The following TRPC6 variants were observed in gnomAD, a reference collection of about 807,000 sequenced individuals.
TRPC6 encodes short transient receptor potential channel 6.
TRPC6 carries 55 observed loss-of-function variants against 90.7 expected under a neutral mutation model. That is an observed-to-expected ratio of 0.61 (90% confidence interval 0.49 to 0.76). TRPC6 has a LOEUF of 0.76. Ranked by LOEUF, TRPC6 falls within the 30% of genes least tolerant of loss-of-function variation. The pLI is 0.00. For synonymous variants in TRPC6, 393 were observed against 393.0 expected (o/e 1.00, Z 0.00); for missense variants, 989 against 1,122.7 (o/e 0.88, Z 1.70).
At chr11:101,561,098 A>C (rs1565245243) in intron 1 of TRPC6, among the ~76,000 whole-genome samples, 1 of 72,224 alleles carries the variant, frequency 1.4e-5, no homozygotes, top group Non-Finnish European at 2.6e-5. Flanking sequence ...CACAATGATC[A>C]GATTGAGTTT....
In TRPC6 at chr11:101,457,936, C is replaced by A. The variant is rs564634120; in HGVS notation, c.2485-2835G>T. On this transcript the variant is annotated intron_variant, in intron 10 of 12. Transcript: ENST00000344327. The stretch of plus-strand genomic sequence containing the variant: ...CATGGTTAACTTTAATCTACACATA[C>A]CCCTTTACTTATGATGGGGTTACGT... 2.7e-4 allele frequency among the ~76,000 whole-genome samples: 41 copies of A among 152,100 alleles called. 1 individual carries two copies. Among genetic ancestry groups the A allele is most frequent in the Non-Finnish European group, 1.9e-4 (13 of 68,014 alleles).
Position 101,548,478 on chromosome 11 carries a change from C to A in TRPC6, c.170+34856G>T, listed in dbSNP as rs892934264. On this transcript the variant is annotated intron_variant, in intron 1 of 12. Coordinates refer to ENST00000344327, the MANE Select transcript of TRPC6 (RefSeq NM_004621.6). ...TACTGATATATATATATATATATAT[C>A]TCTCTCTCTCTCTCTGTCTCTCACA... is the stretch of plus-strand genomic sequence containing the variant. Among the ~76,000 whole-genome samples, 91 of 45,836 alleles carry A rather than the reference C, an allele frequency of 2.0e-3. 1 individual carries two copies. The Middle Eastern group carries it at 0.029, about 15-fold the overall frequency. The allele number at this position is 45,836 out of a possible 152,430, so 30.1% of individuals were successfully genotyped here.
At chr11:101,464,383 A>AT (rs1483442433) in intron 10 of TRPC6, among the ~76,000 whole-genome samples, 2 of 152,052 alleles carry the variant, frequency 1.3e-5, no homozygotes, top group Non-Finnish European at 2.9e-5. Context: ...TAATATTGAG[A>AT]TTGGGATGTT....
chr11:101,525,232 A>C (rs1253931033), intron 1 of TRPC6, among the ~76,000 whole-genome samples: 1 of 152,232 alleles, frequency 6.6e-6, no homozygotes, highest in Non-Finnish European at 1.5e-5. Flanking sequence ...TTTGGAGTCA[A>C]ATGGACTTTG....
chr11:101,574,339 G>A (rs1862029970), intron 1 of TRPC6, among the ~76,000 whole-genome samples: 1 of 150,956 alleles, frequency 6.6e-6, no homozygotes, highest in Non-Finnish European at 1.5e-5. Context: ...ATCTAATTGA[G>A]TATAAAGAAC....
chr11:101,476,020 A>G (rs143391372), intron 6 of TRPC6, among the ~76,000 whole-genome samples: 27 of 152,282 alleles, frequency 1.8e-4, no homozygotes, highest in Admixed American at 2.6e-4. Flanking sequence ...AATCCAGGAC[A>G]TAAGACATGT....
At chr11:101,545,716 C>T (rs1212102953) in intron 1 of TRPC6, among the ~76,000 whole-genome samples, 1 of 152,066 alleles carries the variant, frequency 6.6e-6, no homozygotes, top group East Asian at 1.9e-4. Context: ...AGGAGTTGCC[C>T]CCTATTTCTT....
At position 101,472,171 on chromosome 11, in the gene TRPC6, A is replaced by G; in HGVS notation, c.2171T>C (p.Ile724Thr). 1.2e-6 allele frequency: 2 copies of G among 1,611,968 alleles called. No individual in the cohort carries two copies. Among genetic ancestry groups the G allele is most frequent in the African/African-American group, 1.3e-5 (1 of 74,978 alleles). ...TMVIVLLNML[I>T]AMINSSFQEI... ...CTGGAATGAACTGTTGATCATGGCAATTAACATATTTAGCAAAACAATGAC... is the reference window on the plus strand; with the variant it reads ...CTGGAATGAACTGTTGATCATGGCAGTTAACATATTTAGCAAAACAATGAC... The change falls in exon 8 of 13, where the codon ATT (isoleucine) becomes ACT (threonine). Residue 724 changes from isoleucine to threonine, a missense_variant. Around this residue, in one of 4 missense-constraint regions of TRPC6, gnomAD observed 118 missense variants for 197.6 expected, o/e 0.60. Coordinates refer to ENST00000344327, the MANE Select transcript of TRPC6 (RefSeq NM_004621.6).
intron 1 of TRPC6, among the ~76,000 whole-genome samples, chr11:101,527,295 A>G (rs1447002173): frequency 6.6e-6 from 1 of 152,122 alleles, no homozygotes; most frequent in African/African-American, 2.4e-5. Flanking sequence ...GTTTTCACTA[A>G]TTACTCTGAA....
chr11:101,519,429 T>TTTTAACTAAGTGGAAAA (rs1184798872), intron 1 of TRPC6, among the ~76,000 whole-genome samples: 2 of 152,142 alleles, frequency 1.3e-5, no homozygotes, highest in African/African-American at 4.8e-5. Flanking sequence ...TATTTCTCTG[T>TTTTAACTAAGTGGAAAA]TTTAACTAAG....
chr11:101,503,408 G>A (rs1315018138), intron 2 of TRPC6, among the ~76,000 whole-genome samples: 2 of 152,136 alleles, frequency 1.3e-5, no homozygotes, highest in Admixed American at 6.6e-5. Context: ...ATATACAGCT[G>A]AAATGCCATC....
intron 5 of TRPC6, among the ~76,000 whole-genome samples, chr11:101,482,030 GA>G (rs1316236592): frequency 6.6e-6 from 1 of 152,164 alleles, no homozygotes; most frequent in African/African-American, 2.4e-5. Flanking sequence ...CCACATTGAA[GA>G]TACTGCCCAG....
At chr11:101,481,532 C>T (rs1424655002) in intron 5 of TRPC6, among the ~76,000 whole-genome samples, 2 of 152,114 alleles carry the variant, frequency 1.3e-5, no homozygotes, top group South Asian at 2.1e-4. Context: ...CCTCCAGTCC[C>T]AGGCATGATC....
At chr11:101,576,733 T>G (rs1363216240) in intron 1 of TRPC6, among the ~76,000 whole-genome samples, 1 of 152,152 alleles carries the variant, frequency 6.6e-6, no homozygotes, top group Non-Finnish European at 1.5e-5. Flanking sequence ...TTTATGACTT[T>G]TACCCTCTTT....
At chr11:101,464,600 G>T (rs979985123) in intron 10 of TRPC6, among the ~76,000 whole-genome samples, 8 of 152,102 alleles carry the variant, frequency 5.3e-5, no homozygotes, top group African/African-American at 1.9e-4. Context: ...TCAGAGACTA[G>T]GATTGCAACA....
chr11:101,581,926 G>C (rs1364031055), intron 1 of TRPC6, among the ~76,000 whole-genome samples: 1 of 152,124 alleles, frequency 6.6e-6, no homozygotes. Context: ...TCTGTACTAT[G>C]AGACATAAAA....
Position 101,476,501 on chromosome 11 carries a change from G to A in TRPC6, c.1544C>T (p.Thr515Ile). The A allele has an allele frequency of 2.5e-6, 4 of 1,614,056 alleles. No homozygotes were observed. Among genetic ancestry groups the A allele is most frequent in the Non-Finnish European group, 3.4e-6 (4 of 1,179,962 alleles). Residue 515 changes from threonine (T) to isoleucine (I), a missense_variant, in exon 6 of 13, where the codon ACT (threonine) becomes ATT (isoleucine). Physicochemically the swap from Thr to Ile is moderately conservative, Grantham distance 89. This residue lies in a region of TRPC6 where 486 missense variants were observed against 591.9 expected (regional missense o/e 0.82). Transcript: ENST00000344327. ...AAACAAATATTCCTTGGGGCCCTGA[G>A]TCCAGATTTCTTTACATTCAGCCCA... is the stretch of plus-strand genomic sequence containing the variant. ...MIWAECKEIWTQGPKEYLFEL... is the reference protein window; with the variant it reads ...MIWAECKEIWIQGPKEYLFEL...
chr11:101,495,956 A>C (rs1451316868), intron 2 of TRPC6, among the ~76,000 whole-genome samples: 1 of 152,114 alleles, frequency 6.6e-6, no homozygotes, highest in African/African-American at 2.4e-5. Flanking sequence ...TTTAGAAAAA[A>C]GAGGTTTAAT....
intron 4 of TRPC6, among the ~76,000 whole-genome samples, chr11:101,484,130 A>C (rs1286912413): frequency 6.6e-6 from 1 of 152,198 alleles, no homozygotes; most frequent in Non-Finnish European, 1.5e-5. Context: ...CTTAGTTGGC[A>C]CTGTTTTAAG....
Sources: gnomAD v4.1 joint callset for allele counts (sites outside exome capture counted in the v4.1 genomes callset) on GRCh38, gnomAD v4.1.1 for gene constraint, gnomAD v4.1.1 regional missense constraint, MANE v1.5 for transcripts, NCBI Gene and HGNC (gene_info 2026-07-23, HGNC 2026-07-21) for gene names.